Variants in SPG11 observed in about 807,000 individuals in gnomAD.
The protein encoded by SPG11 is SPG11 vesicle trafficking associated, spatacsin, also known as spatacsin.
Under a neutral mutation model 274.0 loss-of-function variants are expected in SPG11, and 222 were observed. The observed-to-expected ratio is 0.81, with a 90% CI of 0.73 to 0.91. The LOEUF (loss-of-function observed/expected upper bound fraction) is 0.91. Among genes scored for constraint, SPG11 ranks in the 40% least tolerant of loss-of-function variants. SPG11 has a pLI of 0.00. For missense variants in SPG11, 3,114 were observed against 2,872.7 expected (o/e 1.08, Z -1.92); for synonymous variants, 1,144 against 1,039.7 (o/e 1.10, Z -1.93).
chr15:44,640,424 G>A (rs1181117929), intron 7 of SPG11, among the ~76,000 whole-genome samples: 1 of 152,070 alleles, frequency 6.6e-6, no homozygotes, highest in Non-Finnish European at 1.5e-5. Context: ...ATATCCTAAA[G>A]ACGCCATTTC....
intron 30 of SPG11, among the ~76,000 whole-genome samples, chr15:44,579,244 G>C (rs573210799): frequency 3.9e-4 from 60 of 151,940 alleles, no homozygotes; most frequent in Non-Finnish European, 8.4e-4. Flanking sequence ...AGGAAGAGGG[G>C]CTGGGCGTGG....
intron 27 of SPG11, 62 bp from the exon 28 acceptor site, chr15:44,589,476 C>T: frequency 6.2e-7 from 1 of 1,600,946 alleles, no homozygotes; most frequent in Non-Finnish European, 8.6e-7. Flanking sequence ...ATCAAAACCT[C>T]CAAATCTGGG....
rs1566833972 is a variant in SPG11 at position 44,659,302 on chromosome 15, AC to A, written c.443del (p.Ser148IlefsTer7). The A allele has an allele frequency of 6.2e-7, 1 of 1,609,336 alleles. No individual in the cohort carries two copies. The highest frequency in any genetic ancestry group is 1.7e-5 in the Admixed American group (1 of 60,028). The stretch of plus-strand genomic sequence containing the variant: ...GGATTCTCAAAGACAATAAGGAAAT[AC>A]CTACAAAACAAAAGGATATTATTTC... The part of the protein sequence containing the change: ...LQKLIDDQDI[S>X]ISLLSLRILS... On this transcript the variant is annotated frameshift_variant and splice_region_variant, in exon 3 of 40. Coordinates refer to ENST00000261866, the MANE Select transcript of SPG11 (RefSeq NM_025137.4). LOFTEE classifies it high-confidence loss of function.
Position 44,583,437 on chromosome 15 carries a change from G to A in SPG11, c.5866+377C>T, listed in dbSNP as rs887914500. ...CACACCATTGCACTCCAGCCTGGGC[G>A]ACAAGAATGAAACACCATCTCAAAA... On this transcript the variant is annotated intron_variant, in intron 30 of 39. Coordinates refer to ENST00000261866, the MANE Select transcript of SPG11 (RefSeq NM_025137.4). Among the ~76,000 whole-genome samples the A allele has an allele frequency of 5.3e-5, 8 of 151,852 alleles. No homozygotes were observed. In the East Asian group the frequency reaches 5.8e-4, roughly 11 times the overall value.
intron 23 of SPG11, among the ~76,000 whole-genome samples, chr15:44,597,668 G>T (rs1271194658): frequency 6.6e-6 from 1 of 152,194 alleles, no homozygotes; most frequent in Admixed American, 6.5e-5. Context: ...CCTGCTGCAA[G>T]CAGGATTCTG....
intron 11 of SPG11, among the ~76,000 whole-genome samples, chr15:44,624,834 A>G (rs993509410): frequency 4.6e-5 from 7 of 152,100 alleles, no homozygotes; most frequent in Non-Finnish European, 1.0e-4. Flanking sequence ...GGGGGAAAAT[A>G]TCTTCAAGAA....
In SPG11 at chr15:44,608,448, A is replaced by G. The variant is rs2083377793; in HGVS notation, c.3449T>C (p.Ile1150Thr). Residue 1150 changes from isoleucine (I) to threonine (T), a missense_variant, in exon 19 of 40, where the codon ATT becomes ACT. Coordinates refer to ENST00000261866, the MANE Select transcript of SPG11 (RefSeq NM_025137.4). Reference protein sequence around the residue: ...LPSDITIYHLIQSLSPFDPSR... With the variant: ...LPSDITIYHLTQSLSPFDPSR... ...TTGGCCACCTAAATACTGTACCTGA[A>G]TAAGGTGGTAGATTGTAATATCAGA... 11 of 1,613,988 alleles carry G rather than the reference A, an allele frequency of 6.8e-6. No homozygotes were observed. The highest frequency in any genetic ancestry group is 1.1e-5 in the South Asian group (1 of 91,090).
intron 20 of SPG11, among the ~76,000 whole-genome samples, chr15:44,602,523 GGCTGGAGTGCAATA>G (rs1250169438): frequency 1.3e-5 from 2 of 150,792 alleles, no homozygotes; most frequent in Non-Finnish European, 2.9e-5. Context: ...CTGTTGCCCA[GGCTGGAGTGCAATA>G]GCGTGATCTT....
intron 20 of SPG11, among the ~76,000 whole-genome samples, chr15:44,602,220 A>G (rs1299020305): frequency 6.6e-6 from 1 of 151,818 alleles, no homozygotes; most frequent in African/African-American, 2.4e-5. Context: ...TTTTTTGCTT[A>G]AATGCTCTGG....
intron 31 of SPG11, among the ~76,000 whole-genome samples, chr15:44,574,605 T>A (rs754288496): frequency 2.6e-5 from 4 of 152,064 alleles, no homozygotes; most frequent in Non-Finnish European, 4.4e-5. Context: ...AGATATTAAG[T>A]CTAGAAGAGA....
rs1295595912 is a variant in SPG11 at position 44,615,381 on chromosome 15, A to AC, written c.3019dup (p.Val1007GlyfsTer4). ...TACTCACTTGTAACAGTCAAGGTAGACATAAAGAAGATGCTGCAGACTGTG... is the reference window on the plus strand; with the variant it reads ...TACTCACTTGTAACAGTCAAGGTAGACCATAAAGAAGATGCTGCAGACTGTG... On this transcript the variant is annotated frameshift_variant, in exon 16 of 40. Transcript: ENST00000261866. LOFTEE classifies it high-confidence loss of function. 1 of 1,613,744 alleles carries AC rather than the reference A, an allele frequency of 6.2e-7. No individual in the cohort carries two copies. The highest frequency in any genetic ancestry group is 8.5e-7 in the Non-Finnish European group (1 of 1,179,980).
intron 35 of SPG11, 142 bp from the exon 36 acceptor site, chr15:44,567,734 G>T: frequency 2.3e-6 from 2 of 874,842 alleles, no homozygotes; most frequent in South Asian, 1.4e-5. Context: ...CAAGTTTTAT[G>T]CTGTCCCAAG....
At position 44,613,499 on chromosome 15, in the gene SPG11, C is replaced by G. The variant is rs374397452; in HGVS notation, c.3076G>C (p.Glu1026Gln). The stretch of plus-strand genomic sequence containing the variant: ...AACCAAGGGTGTGCTTCATGTAACT[C>G]TTTTTTTTCCAAAAAGGGACAATTT... ...PENCPFLEKK[E>Q]LHEAHPWFEF... Residue 1026 changes from glutamate to glutamine, a missense_variant, in exon 17 of 40, where the codon GAG (glutamate) becomes CAG (glutamine). By Grantham distance (29) the Glu-to-Gln change is conservative. Coordinates refer to ENST00000261866, the MANE Select transcript of SPG11 (RefSeq NM_025137.4). The G allele has an allele frequency of 1.2e-6, 2 of 1,612,852 alleles. No individual in the cohort carries two copies. Among genetic ancestry groups the G allele is most frequent in the African/African-American group, 2.7e-5 (2 of 74,820 alleles).
intron 7 of SPG11, among the ~76,000 whole-genome samples, chr15:44,644,861 A>G (rs535113170): frequency 6.6e-6 from 1 of 152,206 alleles, no homozygotes; most frequent in Non-Finnish European, 1.5e-5. Context: ...CTAGAAATAC[A>G]GTTAGAGAGA....
chr15:44,612,828 A>C (rs2083495963), intron 17 of SPG11, among the ~76,000 whole-genome samples: 1 of 152,180 alleles, frequency 6.6e-6, no homozygotes, highest in African/African-American at 2.4e-5. Flanking sequence ...ATTTTGAGAG[A>C]AACTGGACAT....
At chr15:44,599,522 A>T in intron 21 of SPG11, among the ~76,000 whole-genome samples, 1 of 151,208 alleles carries the variant, frequency 6.6e-6, no homozygotes. Flanking sequence ...CTGGTCTCAA[A>T]CTCCTGAGGT....
chr15:44,645,421 A>G (rs548071946), intron 7 of SPG11, among the ~76,000 whole-genome samples: 29 of 152,342 alleles, frequency 1.9e-4, no homozygotes, highest in Non-Finnish European at 3.2e-4. Context: ...CCATATGCAG[A>G]TGATTGAAAC....
At chr15:44,583,759 G>A in intron 30 of SPG11, 55 bp downstream of exon 30, 6 of 1,611,484 alleles carry the variant, frequency 3.7e-6, no homozygotes, top group Non-Finnish European at 4.2e-6. Flanking sequence ...CCTTCTTGGA[G>A]ACAGTGCTAA....
At chr15:44,644,274 A>T (rs899730330) in intron 7 of SPG11, among the ~76,000 whole-genome samples, 2 of 152,202 alleles carry the variant, frequency 1.3e-5, no homozygotes, top group African/African-American at 4.8e-5. Flanking sequence ...GGCATGCAAG[A>T]CTGGTTCAAC....
Sources: gnomAD v4.1 joint callset for allele counts (sites outside exome capture counted in the v4.1 genomes callset) on GRCh38, gnomAD v4.1.1 for gene constraint, MANE v1.5 for transcripts, NCBI Gene and HGNC (gene_info 2026-07-23, HGNC 2026-07-21) for gene names.